The following PAK3 variants were observed in gnomAD, a reference collection of about 807,000 sequenced individuals.
PAK3 encodes p21 (RAC1) activated kinase 3, also known as serine/threonine-protein kinase PAK 3.
In PAK3, 4 loss-of-function variants were observed where a neutral mutation model predicts 41.0. The ratio of observed to expected loss-of-function variants is 0.10; its 90% CI spans 0.05 to 0.22. The LOEUF is 0.22. PAK3 is among the 10% of genes least tolerant of loss of function. The pLI, the probability that PAK3 is intolerant of heterozygous loss-of-function variation, is 1.00. For missense variants in PAK3, 205 were observed against 409.9 expected (o/e 0.50, Z 4.32); for synonymous variants, 146 against 139.6 (o/e 1.05, Z -0.32).
Position 111,220,945 on chromosome X carries a change from C to CAAAAAAAAAAAAAAAAAAAAAAAAAGA in PAK3, c.*515_*516insAAAAAAAAGAAAAAAAAAAAAAAAAAA. 6.1e-5 allele frequency: 3 copies of CAAAAAAAAAAAAAAAAAAAAAAAAAGA among 49,443 alleles called. No individual in the cohort carries two copies. The highest frequency in any genetic ancestry group is 8.5e-5 in the African/African-American group (1 of 11,721). 4.1% of individuals were successfully genotyped at this position (49,443 alleles called of 1,213,427 possible). On this transcript the variant is annotated 3_prime_UTR_variant, in exon 18 of 18. Transcript: ENST00000372007. ...AAAAAAGAAAGCAAAAAAAGCAAGG[C>CAAAAAAAAAAAAAAAAAAAAAAAAAGA]AAAAAAAAAAAAAAAAACAAACAAA...
At chrX:111,147,618 G>T in intron 6 of PAK3, 119 bp from the exon 7 acceptor site, 1 of 561,759 alleles carries the variant, frequency 1.8e-6, no homozygotes. Context: ...TGTAACTTCA[G>T]TTTCCCAAGT....
At chrX:111,168,476 C>T (rs1203603041) in intron 10 of PAK3, among the ~76,000 whole-genome samples, 2 of 111,661 alleles carry the variant, frequency 1.8e-5, no homozygotes, top group Non-Finnish European at 3.8e-5. Flanking sequence ...GAATGGTAAA[C>T]AAGGCCTCTA....
chrX:111,111,668 C>T (rs1377871048), intron 4 of PAK3, among the ~76,000 whole-genome samples: 1 of 111,981 alleles, frequency 8.9e-6, no homozygotes, highest in East Asian at 2.8e-4. Context: ...TTTTCATCTC[C>T]ATTCTAAGCT....
chrX:111,205,622 T>C (rs1033612258), intron 16 of PAK3, among the ~76,000 whole-genome samples: 1 of 111,595 alleles, frequency 9.0e-6, no homozygotes, highest in Non-Finnish European at 1.9e-5. Flanking sequence ...AACTTCATTC[T>C]GATAATAATC....
In PAK3 at chrX:111,079,977, T is replaced by G. The variant is rs190067667; in HGVS notation, c.-27-43100T>G. On this transcript the variant is annotated intron_variant, in intron 1 of 14. Coordinates refer to the PAK3 transcript ENST00000425146. The stretch of plus-strand genomic sequence containing the variant: ...TGAAAATGTGACTGAATTGCTTCAA[T>G]CTCATGATAAAAATTAAACAGATGA... 1.2e-4 allele frequency among the ~76,000 whole-genome samples: 14 copies of G among 112,227 alleles called. No individual in the cohort carries two copies. The East Asian group carries it at 3.1e-3, about 25-fold the overall frequency.
At chrX:110,944,976 T>C (rs901388801) in intron 1 of PAK3, among the ~76,000 whole-genome samples, 19 of 111,930 alleles carry the variant, frequency 1.7e-4, no homozygotes, top group East Asian at 1.1e-3. Flanking sequence ...TGGATGGAGA[T>C]GATCCAGCCG....
intron 4 of PAK3, among the ~76,000 whole-genome samples, chrX:111,122,523 C>T (rs969764618): frequency 9.0e-6 from 1 of 110,507 alleles, no homozygotes; most frequent in Non-Finnish European, 1.9e-5. Context: ...ACTGCCAGAT[C>T]TATGGGATGG....
intron 11 of PAK3, among the ~76,000 whole-genome samples, chrX:111,183,977 C>T (rs905793040): frequency 9.0e-6 from 1 of 111,616 alleles, no homozygotes; most frequent in South Asian, 3.8e-4. Context: ...TGAAAGATCT[C>T]TAACTTCAAG....
In PAK3 at chrX:111,192,188, G is replaced by A. The variant is rs371261414; in HGVS notation, c.879+13G>A. 69 of 1,009,150 alleles carry A rather than the reference G, an allele frequency of 6.8e-5. No individual in the cohort carries two copies. Among genetic ancestry groups the A allele is most frequent in the African/African-American group, 9.4e-5 (5 of 53,055 alleles). 83.2% of individuals were successfully genotyped at this position (1,009,150 alleles called of 1,213,427 possible). A position where few individuals can be genotyped will look rare whatever the true frequency, so the allele number is the denominator to read the frequency against. On this transcript the variant is annotated intron_variant, in intron 12 of 17. Transcript: ENST00000372007. The stretch of plus-strand genomic sequence containing the variant: ...AACAGGACAAGAGGTAAGTGCTAAC[G>A]TTCAATCCTGATTTTTATTTTCTTT...
rs548040831 is a variant in PAK3 at position 111,038,847 on chromosome X, G to C, written c.-27-84230G>C. Among the ~76,000 whole-genome samples the C allele has an allele frequency of 3.6e-5, 4 of 112,155 alleles. No individual in the cohort carries two copies. The South Asian group carries it at 1.5e-3, about 42-fold the overall frequency. On this transcript the variant is annotated intron_variant, in intron 1 of 14. Transcript: ENST00000425146. ...TATAAGAGTTTTAAATAACAAAATA[G>C]ATAAAAATAAGAGCTAATTAAGAAT...
intron 11 of PAK3, among the ~76,000 whole-genome samples, chrX:111,187,690 G>A (rs1053054248): frequency 1.8e-5 from 2 of 111,302 alleles, no homozygotes; most frequent in African/African-American, 6.5e-5. Context: ...CAGAACTGGG[G>A]TGCAGAAATA....
At chrX:110,985,980 C>A (rs180718969) in intron 1 of PAK3, among the ~76,000 whole-genome samples, 12 of 111,655 alleles carry the variant, frequency 1.1e-4, no homozygotes, top group African/African-American at 3.6e-4. Flanking sequence ...TGAATCCAGC[C>A]CTGAGGAGCA....
intron 11 of PAK3, among the ~76,000 whole-genome samples, chrX:111,191,126 AT>A (rs1041868247): frequency 1.7e-4 from 19 of 111,804 alleles, no homozygotes; most frequent in African/African-American, 5.9e-4. Flanking sequence ...CTCATTATTA[AT>A]TTTTTTGAGA....
chrX:111,014,646 G>T (rs1024805107), intron 1 of PAK3, among the ~76,000 whole-genome samples: 5 of 111,430 alleles, frequency 4.5e-5, no homozygotes, highest in Non-Finnish European at 9.4e-5. Flanking sequence ...CGTTCGTTCT[G>T]CTCTCTGTCT....
chrX:110,949,620 C>T (rs1017005220), intron 1 of PAK3, among the ~76,000 whole-genome samples: 2 of 111,151 alleles, frequency 1.8e-5, no homozygotes, highest in African/African-American at 3.3e-5. Flanking sequence ...GAAAGATTCC[C>T]AGAGGTGGAA....
chrX:111,172,752 G>A (rs2094359665), intron 10 of PAK3, among the ~76,000 whole-genome samples: 1 of 110,642 alleles, frequency 9.0e-6, no homozygotes, highest in Non-Finnish European at 1.9e-5. Context: ...CCAAATATCA[G>A]TAATTTTGAA....
chrX:111,131,989 T>A (rs926432049), intron 5 of PAK3, among the ~76,000 whole-genome samples: 2 of 111,213 alleles, frequency 1.8e-5, no homozygotes, highest in Non-Finnish European at 3.8e-5. Flanking sequence ...CATTTTTTTT[T>A]AATAAAAAAA....
chrX:111,130,537 G>A (rs1422982945), intron 5 of PAK3, among the ~76,000 whole-genome samples: 1 of 111,810 alleles, frequency 8.9e-6, no homozygotes. Flanking sequence ...ATCTTCATTA[G>A]ATATCTCATG....
At chrX:111,135,314 A>G (rs1261281216) in intron 5 of PAK3, among the ~76,000 whole-genome samples, 1 of 111,926 alleles carries the variant, frequency 8.9e-6, no homozygotes, top group Non-Finnish European at 1.9e-5. Flanking sequence ...AAAGCACTTA[A>G]TTAGTTAGAT....
Sources: gnomAD v4.1 joint callset for allele counts (sites outside exome capture counted in the v4.1 genomes callset) on GRCh38, gnomAD v4.1.1 for gene constraint, MANE v1.5 for transcripts, NCBI Gene and HGNC (gene_info 2026-07-23, HGNC 2026-07-21) for gene names.